PTPRK: variants seen among roughly 807,000 people sequenced by gnomAD.
The protein encoded by PTPRK is receptor-type tyrosine-protein phosphatase kappa.
A neutral mutation model predicts 178.0 loss-of-function variants in PTPRK; 75 were observed. That is an observed-to-expected ratio of 0.42 (90% CI 0.35 to 0.51). The LOEUF (loss-of-function observed/expected upper bound fraction) is 0.51, where lower values mean the gene tolerates loss of function less well. Among genes scored for constraint, PTPRK ranks in the 20% least tolerant of loss-of-function variants. The probability of loss-of-function intolerance (pLI) is 0.02; values close to 1 mark genes in which losing one functional copy is unlikely to be tolerated. For missense variants in PTPRK, 1,441 were observed against 1,797.8 expected (o/e 0.80, Z 3.59); for synonymous variants, 637 against 620.6 (o/e 1.03, Z -0.39).
chr6:128,227,160 A>C (rs1338945885), intron 5 of PTPRK, among the ~76,000 whole-genome samples: 1 of 152,190 alleles, frequency 6.6e-6, no homozygotes, highest in African/African-American at 2.4e-5. Flanking sequence ...ACAAAGAAAC[A>C]AGAACAAAGA....
At chr6:127,979,305 A>G (rs1278609579) in intron 25 of PTPRK, among the ~76,000 whole-genome samples, 1 of 152,204 alleles carries the variant, frequency 6.6e-6, no homozygotes, top group African/African-American at 2.4e-5. Context: ...AAAGAAAAGG[A>G]GACAATCTGG....
At position 128,324,064 on chromosome 6, in the gene PTPRK, T is replaced by C. The variant is rs557307432; in HGVS notation, c.224-1754A>G. Among the ~76,000 whole-genome samples, 52 of 152,252 alleles carry C rather than the reference T, an allele frequency of 3.4e-4. No individual in the cohort carries two copies. In the South Asian group the frequency reaches 4.6e-3, roughly 13 times the overall value. ...GATTTGCCACTGCATAGCAGACCAATCATTCCTTTCAACGAGGACCAGCCC... is the reference window on the plus strand; with the variant it reads ...GATTTGCCACTGCATAGCAGACCAACCATTCCTTTCAACGAGGACCAGCCC... On this transcript the variant is annotated intron_variant, in intron 2 of 29. Coordinates refer to ENST00000368226, the MANE Select transcript of PTPRK (RefSeq NM_002844.4).
At chr6:128,384,618 A>G (rs1205247809) in intron 2 of PTPRK, among the ~76,000 whole-genome samples, 3 of 152,210 alleles carry the variant, frequency 2.0e-5, no homozygotes, top group Non-Finnish European at 2.9e-5. Flanking sequence ...AACAGTTAGT[A>G]AAACATCAGA....
chr6:127,982,343 G>A (rs964216090), intron 24 of PTPRK, among the ~76,000 whole-genome samples: 3 of 152,002 alleles, frequency 2.0e-5, no homozygotes, highest in Non-Finnish European at 2.9e-5. Context: ...TGCAATCTCG[G>A]CTCACTGCAA....
intron 2 of PTPRK, among the ~76,000 whole-genome samples, chr6:128,366,018 C>G (rs1584378475): frequency 6.6e-6 from 1 of 152,082 alleles, no homozygotes; most frequent in East Asian, 1.9e-4. Context: ...AGATCAGTCA[C>G]AGGGAATGAA....
chr6:128,003,023 A>G (rs1778015948), intron 15 of PTPRK, among the ~76,000 whole-genome samples: 1 of 151,880 alleles, frequency 6.6e-6, no homozygotes, highest in Non-Finnish European at 1.5e-5. Flanking sequence ...GCTAATTTGA[A>G]ATCCACTAGA....
intron 7 of PTPRK, among the ~76,000 whole-genome samples, chr6:128,116,898 G>T (rs1791615317): frequency 6.6e-6 from 1 of 152,138 alleles, no homozygotes; most frequent in Non-Finnish European, 1.5e-5. Context: ...TGTAATCCCA[G>T]CACTTTGGGA....
intron 3 of PTPRK, among the ~76,000 whole-genome samples, chr6:128,265,980 A>G (rs952623381): frequency 6.6e-6 from 1 of 152,110 alleles, no homozygotes; most frequent in African/African-American, 2.4e-5. Context: ...CACAGTGAGT[A>G]GGCACTGTCT....
At chr6:128,243,505 AAAAAAAAAGAAAAG>A (rs1281197037) in intron 3 of PTPRK, among the ~76,000 whole-genome samples, 2 of 148,208 alleles carry the variant, frequency 1.3e-5, no homozygotes, top group African/African-American at 5.1e-5. Context: ...AAAAAAAAAA[AAAAAAAAAGAAAAG>A]AAAAGAAAAG....
intron 1 of PTPRK, among the ~76,000 whole-genome samples, chr6:128,516,743 T>C (rs919428860): frequency 2.6e-5 from 4 of 152,050 alleles, no homozygotes; most frequent in Non-Finnish European, 1.5e-5. Flanking sequence ...AGAGAGACAA[T>C]AGTCCCTCTC....
chr6:128,322,855 T>TGATCACATATATATGTGATCACAAAG (rs1829018178), intron 2 of PTPRK, among the ~76,000 whole-genome samples: 1 of 152,052 alleles, frequency 6.6e-6, no homozygotes, highest in Non-Finnish European at 1.5e-5. Context: ...TATGTGATCA[T>TGATCACATATATATGTGATCACAAAG]TTGTAACATA....
At chr6:128,267,999 C>A (rs531495247) in intron 3 of PTPRK, among the ~76,000 whole-genome samples, 2 of 151,988 alleles carry the variant, frequency 1.3e-5, no homozygotes, top group East Asian at 1.9e-4. Flanking sequence ...AAAATATATA[C>A]GGAACCATCA....
At chr6:128,329,780 TAC>T (rs138631965) in intron 2 of PTPRK, among the ~76,000 whole-genome samples, 1 of 144,550 alleles carries the variant, frequency 6.9e-6, no homozygotes, top group African/African-American at 2.6e-5. Context: ...TCCAGAAACA[TAC>T]ACACACACAC....
intron 2 of PTPRK, among the ~76,000 whole-genome samples, chr6:128,361,403 C>T (rs1214544543): frequency 6.6e-6 from 1 of 152,056 alleles, no homozygotes; most frequent in Non-Finnish European, 1.5e-5. Flanking sequence ...TGATTCTATG[C>T]GAGCACACTG....
intron 3 of PTPRK, among the ~76,000 whole-genome samples, chr6:128,282,449 G>A (rs1821823876): frequency 6.6e-6 from 1 of 152,098 alleles, no homozygotes; most frequent in African/African-American, 2.4e-5. Context: ...GTAGCTCACT[G>A]CTCCCTGTCA....
At chr6:128,333,941 G>T (rs1370072265) in intron 2 of PTPRK, among the ~76,000 whole-genome samples, 2 of 152,028 alleles carry the variant, frequency 1.3e-5, no homozygotes, top group African/African-American at 4.8e-5. Context: ...ATAATTAAAG[G>T]GCCACCGTAG....
intron 3 of PTPRK, among the ~76,000 whole-genome samples, chr6:128,292,942 G>C (rs1823646136): frequency 6.6e-6 from 1 of 151,992 alleles, no homozygotes; most frequent in South Asian, 2.1e-4. Flanking sequence ...AGAAAGAAAA[G>C]TGTCTTGGTG....
intron 7 of PTPRK, among the ~76,000 whole-genome samples, chr6:128,171,113 C>A (rs910951271): frequency 1.3e-5 from 2 of 151,786 alleles, no homozygotes; most frequent in African/African-American, 4.8e-5. Flanking sequence ...GGAGTGAGGT[C>A]TAGGTGGAGT....
intron 3 of PTPRK, among the ~76,000 whole-genome samples, chr6:128,300,987 T>C (rs1248468645): frequency 3.9e-5 from 6 of 152,012 alleles, no homozygotes; most frequent in Non-Finnish European, 7.4e-5. Flanking sequence ...GTCTTACTTA[T>C]AATGTTAGCT....
Sources: gnomAD v4.1 joint callset for allele counts (sites outside exome capture counted in the v4.1 genomes callset) on GRCh38, gnomAD v4.1.1 for gene constraint, MANE v1.5 for transcripts, NCBI Gene and HGNC (gene_info 2026-07-23, HGNC 2026-07-21) for gene names.